GPC6: variants seen among roughly 807,000 people sequenced by gnomAD.
GPC6 encodes glypican-6.
GPC6 carries 14 observed loss-of-function variants against 55.2 expected under a neutral mutation model. That is an observed-to-expected ratio of 0.25 (90% confidence interval 0.17 to 0.40). The LOEUF (loss-of-function observed/expected upper bound fraction) is 0.40. Among genes scored for constraint, GPC6 ranks in the 10% least tolerant of loss-of-function variants. The pLI, the probability that GPC6 is intolerant of heterozygous loss-of-function variation, is 1.00. For missense variants in GPC6, 641 were observed against 708.5 expected (o/e 0.90, Z 1.08); for synonymous variants, 278 against 259.6 (o/e 1.07, Z -0.68).
intron 1 of GPC6, among the ~76,000 whole-genome samples, chr13:93,490,386 A>G (rs7320632): frequency 0.15 from 21,809 of 149,872 alleles, 1,863 homozygotes; most frequent in Non-Finnish European, 0.19. Flanking sequence ...AAAATCTATA[A>G]CATATATATG....
In GPC6 at chr13:93,345,517, T is replaced by A. The variant is rs113674178; in HGVS notation, c.160+117901T>A. ...TAAATGAATGAAAAAAAATTAAAAA[T>A]TAAAAAACTGCATGCACATACTCTT... On this transcript the variant is annotated intron_variant, in intron 1 of 8. Transcript: ENST00000377047. 6.8e-3 allele frequency among the ~76,000 whole-genome samples: 1,030 copies of A among 151,886 alleles called. 15 individuals carry two copies. The highest frequency in any genetic ancestry group is 0.023 in the African/African-American group (973 of 41,406).
At chr13:93,239,526 A>G (rs1426668438) in intron 1 of GPC6, among the ~76,000 whole-genome samples, 7 of 151,372 alleles carry the variant, frequency 4.6e-5, no homozygotes, top group South Asian at 2.1e-4. Context: ...AATCTTCTCT[A>G]TTGTTTTCCT....
At chr13:93,596,043 T>C (rs1877712325) in intron 2 of GPC6, among the ~76,000 whole-genome samples, 1 of 152,154 alleles carries the variant, frequency 6.6e-6, no homozygotes, top group Non-Finnish European at 1.5e-5. Context: ...TCCTATTAAT[T>C]GAGGCTGCCA....
chr13:94,254,576 G>A (rs1287305378), intron 4 of GPC6, among the ~76,000 whole-genome samples: 1 of 151,978 alleles, frequency 6.6e-6, no homozygotes, highest in African/African-American at 2.4e-5. Context: ...TTAAGAAACA[G>A]TTGATTGATG....
At chr13:93,534,157 T>C (rs1196889142) in intron 1 of GPC6, among the ~76,000 whole-genome samples, 1 of 152,150 alleles carries the variant, frequency 6.6e-6, no homozygotes, top group Non-Finnish European at 1.5e-5. Context: ...CTCAGGAGAA[T>C]GGAATGGAAG....
intron 4 of GPC6, among the ~76,000 whole-genome samples, chr13:94,152,410 T>C (rs563574544): frequency 1.3e-5 from 2 of 152,252 alleles, no homozygotes; most frequent in Admixed American, 1.3e-4. Flanking sequence ...TCCCAACCTA[T>C]AGATTAAAAA....
chr13:93,566,578 T>G (rs1043531731), intron 2 of GPC6, among the ~76,000 whole-genome samples: 1 of 152,092 alleles, frequency 6.6e-6, no homozygotes, highest in African/African-American at 2.4e-5. Context: ...TTCTTTTTGT[T>G]ATTATACTTT....
chr13:94,266,967 C>A (rs543800237), intron 4 of GPC6, among the ~76,000 whole-genome samples: 4 of 152,252 alleles, frequency 2.6e-5, no homozygotes, highest in East Asian at 1.9e-4. Flanking sequence ...CTGACCCATA[C>A]GTTTTTAGTC....
At chr13:93,340,894 C>T (rs1880231879) in intron 1 of GPC6, among the ~76,000 whole-genome samples, 1 of 152,136 alleles carries the variant, frequency 6.6e-6, no homozygotes, top group Non-Finnish European at 1.5e-5. Flanking sequence ...CACCGGAGTA[C>T]TATATACTGT....
intron 2 of GPC6, among the ~76,000 whole-genome samples, chr13:93,778,916 A>G (rs2138903895): frequency 6.6e-6 from 1 of 152,304 alleles, no homozygotes; most frequent in East Asian, 1.9e-4. Flanking sequence ...AACTCAGAGA[A>G]CTGTAGCCAA....
chr13:93,767,443 T>C (rs1161755128), intron 2 of GPC6, among the ~76,000 whole-genome samples: 4 of 152,204 alleles, frequency 2.6e-5, no homozygotes, highest in Admixed American at 6.5e-5. Context: ...TTGAACTTAG[T>C]GTCTATTGCC....
At chr13:93,480,619 C>G (rs1269091259) in intron 1 of GPC6, among the ~76,000 whole-genome samples, 1 of 152,142 alleles carries the variant, frequency 6.6e-6, no homozygotes, top group Non-Finnish European at 1.5e-5. Flanking sequence ...GTATCACTCC[C>G]AAAGAAACCC....
intron 4 of GPC6, among the ~76,000 whole-genome samples, chr13:94,158,993 C>A (rs569909702): frequency 6.6e-6 from 1 of 152,258 alleles, no homozygotes; most frequent in African/African-American, 2.4e-5. Flanking sequence ...AACCCTTTCT[C>A]ACTCCCACCT....
At chr13:94,051,163 T>C (rs1302783314) in intron 4 of GPC6, among the ~76,000 whole-genome samples, 2 of 152,166 alleles carry the variant, frequency 1.3e-5, no homozygotes, top group Non-Finnish European at 2.9e-5. Context: ...GCCTTAATAA[T>C]TAGAAAGTCT....
chr13:93,962,368 G>T (rs1177607721), intron 3 of GPC6, among the ~76,000 whole-genome samples: 2 of 152,108 alleles, frequency 1.3e-5, no homozygotes, highest in African/African-American at 2.4e-5. Context: ...GAGAGATGTT[G>T]TGAAAGTTAC....
chr13:94,287,265 T>C (rs2139085793), intron 5 of GPC6, among the ~76,000 whole-genome samples: 1 of 152,318 alleles, frequency 6.6e-6, no homozygotes, highest in Middle Eastern at 3.4e-3. Flanking sequence ...ACTAACCAAA[T>C]CTATATCAGT....
intron 2 of GPC6, among the ~76,000 whole-genome samples, chr13:93,611,198 T>A (rs2139539838): frequency 6.6e-6 from 1 of 152,246 alleles, no homozygotes; most frequent in Admixed American, 6.5e-5. Context: ...TAGGGTAAAA[T>A]TCTGGCTTAA....
At chr13:93,600,593 GAGTT>G (rs1254473264) in intron 2 of GPC6, among the ~76,000 whole-genome samples, 5 of 152,210 alleles carry the variant, frequency 3.3e-5, no homozygotes, top group African/African-American at 4.8e-5. Flanking sequence ...CTGAGTGAGT[GAGTT>G]AGAGAGTGGG....
chr13:94,262,128 C>T (rs1891673909), intron 4 of GPC6, among the ~76,000 whole-genome samples: 1 of 152,206 alleles, frequency 6.6e-6, no homozygotes, highest in Middle Eastern at 3.4e-3. Flanking sequence ...GCAAATTCAT[C>T]AGCTGAAATG....
Sources: gnomAD v4.1 joint callset for allele counts (sites outside exome capture counted in the v4.1 genomes callset) on GRCh38, gnomAD v4.1.1 for gene constraint, MANE v1.5 for transcripts, NCBI Gene and HGNC (gene_info 2026-07-23, HGNC 2026-07-21) for gene names.